The following ACOXL variants were observed in gnomAD, a reference collection of about 807,000 sequenced individuals.
ACOXL encodes the protein acyl-CoA oxidase like, also known as acyl-coenzyme A oxidase-like protein.
ACOXL carries 70 observed loss-of-function variants against 71.9 expected under a neutral mutation model. The observed-to-expected ratio is 0.97, with a 90% CI of 0.80 to 1.19. The LOEUF is 1.19. ACOXL is among the 50% of genes most tolerant of loss of function. The pLI is 0.00. For missense variants in ACOXL, 703 were observed against 736.3 expected, an observed-to-expected ratio of 0.95 and a Z score of 0.52; for synonymous variants, 253 against 281.6, an observed-to-expected ratio of 0.90 and a Z score of 1.02.
At chr2:110,811,705 C>T (rs1007766114) in intron 9 of ACOXL, among the ~76,000 whole-genome samples, 16 of 127,110 alleles carry the variant, frequency 1.3e-4, no homozygotes, top group African/African-American at 4.2e-4. Context: ...CTCAGACTGA[C>T]GTTATCCTTT....
chr2:111,081,691 C>T lies in ACOXL; in HGVS notation c.1441-11174C>T, dbSNP rs572169147. Among the ~76,000 whole-genome samples, 5 of 152,176 alleles carry T rather than the reference C, an allele frequency of 3.3e-5. 1 individual carries two copies. The South Asian group carries it at 1.0e-3, about 32-fold the overall frequency. On this transcript the variant is annotated intron_variant, in intron 16 of 17. Transcript: ENST00000439055. ...AAACTACTTTAAATTTCATATGGAA[C>T]CAAAAAAGAGCCCGTATAGCCAATA...
intron 1 of ACOXL, among the ~76,000 whole-genome samples, chr2:110,760,387 G>A (rs939765955): frequency 2.0e-5 from 3 of 151,880 alleles, no homozygotes; most frequent in Admixed American, 6.6e-5. Context: ...CTCGTGATCC[G>A]CCCGCCTCAG....
chr2:111,077,064 T>C (rs749075287), intron 16 of ACOXL, among the ~76,000 whole-genome samples: 1 of 152,222 alleles, frequency 6.6e-6, no homozygotes, highest in South Asian at 2.1e-4. Context: ...TTTTCCCTTA[T>C]AAAGTAATAT....
intron 9 of ACOXL, among the ~76,000 whole-genome samples, chr2:110,830,417 A>G (rs1689678750): frequency 6.6e-6 from 1 of 151,752 alleles, no homozygotes; most frequent in South Asian, 2.1e-4. Context: ...GTCTCTTTCC[A>G]CAATAAATCT....
At chr2:110,839,934 G>A (rs543671578) in intron 9 of ACOXL, among the ~76,000 whole-genome samples, 14 of 152,090 alleles carry the variant, frequency 9.2e-5, no homozygotes, top group South Asian at 6.2e-4. Flanking sequence ...GTGCAACTTA[G>A]ACTTTGGCTA....
At chr2:110,760,033 T>C (rs1445211353) in intron 1 of ACOXL, among the ~76,000 whole-genome samples, 1 of 151,836 alleles carries the variant, frequency 6.6e-6, no homozygotes, top group Non-Finnish European at 1.5e-5. Context: ...GCTATTGATT[T>C]CTTTTATTGT....
At chr2:111,116,355 G>A (rs4849402) in intron 17 of ACOXL, among the ~76,000 whole-genome samples, 65,498 of 152,082 alleles carry the variant, frequency 0.43, 14,588 homozygotes, top group Non-Finnish European at 0.48. Flanking sequence ...GAAATTACTG[G>A]TGTAATAGAG....
At chr2:110,788,178 C>T (rs548219205) in intron 3 of ACOXL, among the ~76,000 whole-genome samples, 1 of 152,330 alleles carries the variant, frequency 6.6e-6, no homozygotes, top group Non-Finnish European at 1.5e-5. Flanking sequence ...GAAATAGATA[C>T]TTGTGTGCCA....
intron 1 of ACOXL, among the ~76,000 whole-genome samples, chr2:110,754,031 CGTGT>C (rs34282367): frequency 0.017 from 2,349 of 141,172 alleles, 49 homozygotes; most frequent in African/African-American, 0.052. Flanking sequence ...CACATGCACA[CGTGT>C]GTGTGTGTGT....
chr2:110,930,483 A>C (rs114088851), intron 11 of ACOXL, among the ~76,000 whole-genome samples: 2 of 152,174 alleles, frequency 1.3e-5, no homozygotes, highest in Non-Finnish European at 2.9e-5. Flanking sequence ...AAGACTTTGG[A>C]CTGTAAACTT....
chr2:111,054,629 G>A (rs2066443543), intron 16 of ACOXL, among the ~76,000 whole-genome samples: 1 of 152,182 alleles, frequency 6.6e-6, no homozygotes. Flanking sequence ...ACGCCTGGGA[G>A]CGTGTGGAAG....
chr2:111,099,853 A>C (rs1200971533), intron 17 of ACOXL: 1 of 152,210 alleles, frequency 6.6e-6, no homozygotes, highest in Non-Finnish European at 1.5e-5. Flanking sequence ...CCAACAGTTA[A>C]CAATTGTATA....
Position 110,980,932 on chromosome 2 carries a change from G to A in ACOXL, c.1060-6176G>A, listed in dbSNP as rs936093696. 3.3e-5 allele frequency among the ~76,000 whole-genome samples: 5 copies of A among 152,150 alleles called. No individual in the cohort carries two copies. In the South Asian group the frequency reaches 6.2e-4, roughly 19 times the overall value. ...GAGCTTTGAGTTCACCTGTCATCTC[G>A]TCACATTATCCTGACATGCTGTCTG... On this transcript the variant is annotated intron_variant, in intron 12 of 17. Coordinates refer to ENST00000439055, the MANE Select transcript of ACOXL (RefSeq NM_001142807.4).
intron 10 of ACOXL, among the ~76,000 whole-genome samples, chr2:110,874,138 C>A (rs540359688): frequency 6.6e-6 from 1 of 152,196 alleles, no homozygotes; most frequent in African/African-American, 2.4e-5. Context: ...AAAAGGGAGA[C>A]CAGCCCCCAC....
At chr2:110,887,093 G>A (rs1335351380) in intron 10 of ACOXL, 2 of 436,856 alleles carry the variant, frequency 4.6e-6, no homozygotes, top group East Asian at 3.6e-5. Flanking sequence ...GTCTCTGCCT[G>A]GCAAGGACGA....
At chr2:110,808,157 G>A (rs532180132) in intron 9 of ACOXL, among the ~76,000 whole-genome samples, 1 of 152,320 alleles carries the variant, frequency 6.6e-6, no homozygotes, top group East Asian at 1.9e-4. Context: ...GGAGACCTCT[G>A]CAGCCTGTGC....
In ACOXL at chr2:111,067,051, T is replaced by C. The variant is rs572312319; in HGVS notation, c.1440+17763T>C. ...TTGGTTCCTGACAACAGATACTGCA[T>C]CTTCTTTACAGAGTCTCATAAAACT... On this transcript the variant is annotated intron_variant, in intron 16 of 17. Coordinates refer to ENST00000439055, the MANE Select transcript of ACOXL (RefSeq NM_001142807.4). Among the ~76,000 whole-genome samples, 370 of 152,298 alleles carry C rather than the reference T, an allele frequency of 2.4e-3. 2 individuals are homozygous for C. The highest frequency in any genetic ancestry group is 8.5e-3 in the African/African-American group (354 of 41,574).
chr2:110,768,294 C>G, intron 1 of ACOXL, 74 bp from the exon 2 acceptor site: 1 of 1,218,450 alleles, frequency 8.2e-7, no homozygotes, highest in Non-Finnish European at 1.2e-6. Context: ...TGTCTGAGCC[C>G]GGGGTCAAAG....
intron 11 of ACOXL, among the ~76,000 whole-genome samples, chr2:110,921,741 A>G (rs893259968): frequency 1.3e-5 from 2 of 152,142 alleles, no homozygotes; most frequent in Admixed American, 6.5e-5. Context: ...GCTTTGAGAC[A>G]TTGCTTCTTG....
Sources: gnomAD v4.1 joint callset for allele counts (sites outside exome capture counted in the v4.1 genomes callset) on GRCh38, gnomAD v4.1.1 for gene constraint, MANE v1.5 for transcripts, NCBI Gene and HGNC (gene_info 2026-07-23, HGNC 2026-07-21) for gene names.